The following PIK3R3 variants were observed in gnomAD, a reference collection of about 807,000 sequenced individuals.
The protein encoded by PIK3R3 is phosphatidylinositol 3-kinase regulatory subunit gamma.
In PIK3R3, 64 loss-of-function variants were observed where a neutral mutation model predicts 62.9. That is an observed-to-expected ratio of 1.02 (90% CI 0.83 to 1.25). The LOEUF (loss-of-function observed/expected upper bound fraction) is 1.25. Ranked by LOEUF, PIK3R3 falls within the 50% of genes most tolerant of loss-of-function variation. The pLI is 0.00. For missense variants in PIK3R3, 614 were observed against 561.6 expected, an observed-to-expected ratio of 1.09 and a Z score of -0.94; for synonymous variants, 165 against 189.0, an observed-to-expected ratio of 0.87 and a Z score of 1.04.
chr1:46,144,908 G>A, the PIK3R3 span, among the ~76,000 whole-genome samples: 3 of 151,864 alleles, frequency 2.0e-5, no homozygotes, highest in East Asian at 3.9e-4. Flanking sequence ...GTAGATCACC[G>A]AGGTCGGGAG....
At chr1:46,067,185 T>A (rs1571398856) in intron 3 of PIK3R3, 94 bp from the exon 4 acceptor site, 1 of 909,236 alleles carries the variant, frequency 1.1e-6, no homozygotes, top group East Asian at 2.8e-5. Context: ...TGGTGTCACA[T>A]GATAAACAAG....
the PIK3R3 span, among the ~76,000 whole-genome samples, chr1:46,140,298 T>C: frequency 1.3e-5 from 2 of 152,060 alleles, no homozygotes; most frequent in Non-Finnish European, 2.9e-5. Context: ...GTGTCCCCTC[T>C]CTGAAATCTT....
intron 1 of PIK3R3, among the ~76,000 whole-genome samples, chr1:46,102,575 T>A (rs907458405): frequency 1.3e-5 from 2 of 151,918 alleles, no homozygotes; most frequent in African/African-American, 4.8e-5. Flanking sequence ...AAATGTTTGG[T>A]AGAACTCATT....
At chr1:46,082,161 A>G (rs558370642) in intron 1 of PIK3R3, among the ~76,000 whole-genome samples, 1 of 152,358 alleles carries the variant, frequency 6.6e-6, no homozygotes, top group African/African-American at 2.4e-5. Context: ...GGTTAATATT[A>G]GAAATAATGG....
At chr1:46,046,399 A>C in intron 8 of PIK3R3, 152 bp downstream of exon 8, 1 of 629,706 alleles carries the variant, frequency 1.6e-6, no homozygotes, top group African/African-American at 1.8e-5. Flanking sequence ...CCTATAGGGT[A>C]CCTTCAGGCA....
At position 46,045,793 on chromosome 1, in the gene PIK3R3, A is replaced by AT. The variant is rs1647099508; in HGVS notation, c.1187+124dup. ...GCTGGGTTTTTTTGTACTAATAGTT[A>AT]TGGTCCGAGCCATGGGTCCTCGTTA... On this transcript the variant is annotated intron_variant, in intron 9 of 9. Coordinates refer to ENST00000262741, the MANE Select transcript of PIK3R3 (RefSeq NM_003629.4). 3.7e-6 allele frequency: 3 copies of AT among 800,864 alleles called. No individual in the cohort carries two copies. The South Asian group carries it at 4.7e-5, about 13-fold the overall frequency. The allele number at this position is 800,864 out of a possible 1,614,324, so 49.6% of individuals were successfully genotyped here.
chr1:46,109,412 T>C (rs1180631966), intron 1 of PIK3R3, among the ~76,000 whole-genome samples: 1 of 152,134 alleles, frequency 6.6e-6, no homozygotes, highest in East Asian at 1.9e-4. Flanking sequence ...CACTTTAAAT[T>C]GTACACTGTT....
chr1:46,097,123 T>C (rs1205508676), intron 1 of PIK3R3, among the ~76,000 whole-genome samples: 3 of 152,150 alleles, frequency 2.0e-5, no homozygotes, highest in Non-Finnish European at 4.4e-5. Context: ...CCAAGCGAGA[T>C]TTGCTTCCAG....
At chr1:46,166,795 C>T in the PIK3R3 span, among the ~76,000 whole-genome samples, 734 of 152,344 alleles carry the variant, frequency 4.8e-3, 13 homozygotes, top group East Asian at 0.045. Flanking sequence ...AATGGAGCCG[C>T]TTTCCGGATA....
intron 1 of PIK3R3, among the ~76,000 whole-genome samples, chr1:46,094,752 C>A (rs1387179873): frequency 6.6e-6 from 1 of 152,232 alleles, no homozygotes; most frequent in Non-Finnish European, 1.5e-5. Flanking sequence ...ACCCCAACAA[C>A]CAACTGCTTT....
At chr1:46,091,554 T>C (rs964324991) in intron 1 of PIK3R3, among the ~76,000 whole-genome samples, 7 of 152,172 alleles carry the variant, frequency 4.6e-5, no homozygotes, top group Non-Finnish European at 8.8e-5. Context: ...AGTTACTATA[T>C]GGCTCTTTAC....
chr1:46,105,403 G>A (rs1234131729), intron 1 of PIK3R3, among the ~76,000 whole-genome samples: 1 of 152,096 alleles, frequency 6.6e-6, no homozygotes, highest in East Asian at 1.9e-4. Context: ...GGAGGCTGAG[G>A]CAGGAGAATC....
upstream of PIK3R3, among the ~76,000 whole-genome samples, chr1:46,137,127 A>G (rs1021808038): frequency 1.3e-5 from 2 of 152,192 alleles, no homozygotes; most frequent in African/African-American, 4.8e-5. Flanking sequence ...TAGCAGAGTC[A>G]GGATTAGAGC....
chr1:46,079,104 T>TA (rs34234237), intron 2 of PIK3R3, among the ~76,000 whole-genome samples: 17 of 151,446 alleles, frequency 1.1e-4, no homozygotes, highest in Admixed American at 1.1e-3. Context: ...ATCGTAAGGG[T>TA]AAAAAAAAAT....
upstream of PIK3R3, chr1:46,132,652 A>C (rs1655732183): frequency 7.8e-7 from 1 of 1,289,520 alleles, no homozygotes; most frequent in Admixed American, 2.3e-5. Flanking sequence ...CTAGAGTTTC[A>C]TTTTAACGGC....
At chr1:46,146,925 G>A in the PIK3R3 span, among the ~76,000 whole-genome samples, 1 of 152,074 alleles carries the variant, frequency 6.6e-6, no homozygotes, top group African/African-American at 2.4e-5. Context: ...GAGTATACCA[G>A]TGAAGAGAAA....
chr1:46,071,732 G>T (rs12044259), intron 3 of PIK3R3, among the ~76,000 whole-genome samples: 22,065 of 34,726 alleles, frequency 0.64, 7,183 homozygotes, highest in Non-Finnish European at 0.67. Flanking sequence ...TATATATATA[G>T]AGAGAGAGAG....
At chr1:46,066,438 CA>C (rs1363546903) in intron 4 of PIK3R3, among the ~76,000 whole-genome samples, 24 of 152,122 alleles carry the variant, frequency 1.6e-4, no homozygotes, top group Non-Finnish European at 1.2e-4. Flanking sequence ...GAGACATAAA[CA>C]TAAGTATTTT....
the PIK3R3 span, among the ~76,000 whole-genome samples, chr1:46,142,584 G>A: frequency 6.6e-6 from 1 of 152,148 alleles, no homozygotes; most frequent in Non-Finnish European, 1.5e-5. Flanking sequence ...TGTAGTCCCA[G>A]CTACTCGGGA....
Sources: gnomAD v4.1 joint callset for allele counts (sites outside exome capture counted in the v4.1 genomes callset) on GRCh38, gnomAD v4.1.1 for gene constraint, MANE v1.5 for transcripts, NCBI Gene and HGNC (gene_info 2026-07-23, HGNC 2026-07-21) for gene names.